The following PAIP2B variants were observed in gnomAD, a reference collection of about 807,000 sequenced individuals.
PAIP2B encodes the protein polyadenylate-binding protein-interacting protein 2B.
Under a neutral mutation model 17.0 loss-of-function variants are expected in PAIP2B, and 13 were observed. The ratio of observed to expected loss-of-function variants is 0.76; its 90% CI spans 0.50 to 1.22. The LOEUF (loss-of-function observed/expected upper bound fraction) is 1.22. Ranked by LOEUF, PAIP2B falls within the 50% of genes most tolerant of loss-of-function variation. PAIP2B has a pLI of 0.00. For missense variants in PAIP2B, 117 were observed against 144.5 expected (o/e 0.81, Z 0.98); for synonymous variants, 43 against 48.7 (o/e 0.88, Z 0.48).
rs949782392 is a variant in PAIP2B, at chr2:71,188,354, G to C, written c.*125C>G. The stretch of plus-strand genomic sequence containing the variant: ...GTTACTCAGAGTCACAGTATTGTGA[G>C]ACCACCACTCCCCTTCCCGCTGTGC... On this transcript the variant is annotated 3_prime_UTR_variant, in exon 4 of 4. Coordinates refer to ENST00000244221, the MANE Select transcript of PAIP2B (RefSeq NM_020459.1). The C allele has an allele frequency of 2.1e-5, 15 of 722,992 alleles. No individual in the cohort carries two copies. The highest frequency in any genetic ancestry group is 1.9e-4 in the African/African-American group (11 of 56,528). The allele number at this position is 722,992 out of a possible 1,614,324, so 44.8% of individuals were successfully genotyped here.
chr2:71,200,584 T>C (rs1458930652), intron 2 of PAIP2B, among the ~76,000 whole-genome samples: 1 of 152,116 alleles, frequency 6.6e-6, no homozygotes, highest in African/African-American at 2.4e-5. Flanking sequence ...AAACCCCATC[T>C]CTACTAAAAA....
rs1341928895 is a variant in PAIP2B, at chr2:71,185,196, T to C, written c.*3283A>G. The C allele has an allele frequency of 1.3e-5, 2 of 152,166 alleles. No individual in the cohort carries two copies. The highest frequency in any genetic ancestry group is 6.5e-5 in the Admixed American group (1 of 15,270). 9.4% of individuals were successfully genotyped at this position (152,166 alleles called of 1,614,324 possible). On this transcript the variant is annotated 3_prime_UTR_variant, in exon 4 of 4. Transcript: ENST00000244221. Reference sequence around the variant, plus strand: ...AGCTTCTCCAAAATCAAAGCAATAGTAATAAACAATTTGGAAAATGTTGCT... The same window carrying C: ...AGCTTCTCCAAAATCAAAGCAATAGCAATAAACAATTTGGAAAATGTTGCT...
At chr2:71,197,355 G>A (rs1344094423) in intron 2 of PAIP2B, among the ~76,000 whole-genome samples, 1 of 152,128 alleles carries the variant, frequency 6.6e-6, no homozygotes, top group Admixed American at 6.5e-5. Context: ...AGTCTCTTCT[G>A]GCTTATAGGG....
Position 71,186,925 on chromosome 2 carries a change from AAGG to A in PAIP2B, c.*1551_*1553del, listed in dbSNP as rs1674557307. The A allele has an allele frequency of 6.6e-6, 1 of 152,214 alleles. No homozygotes were observed. Among genetic ancestry groups the A allele is most frequent in the Admixed American group, 6.5e-5 (1 of 15,288 alleles). The allele number at this position is 152,214 out of a possible 1,614,324, so 9.4% of individuals were successfully genotyped here. On this transcript the variant is annotated 3_prime_UTR_variant, in exon 4 of 4. Transcript: ENST00000244221. ...GTTCAAAAAGTCAACGAGAGCTCATAAGGAGAATTTCTTCAGCTTTCCATACCC... is the reference window on the plus strand; with the variant it reads ...GTTCAAAAAGTCAACGAGAGCTCATAAGAATTTCTTCAGCTTTCCATACCC...
chr2:71,186,212 ACT>A lies in PAIP2B; in HGVS notation c.*2265_*2266del, dbSNP rs764224217. The A allele has an allele frequency of 6.6e-6, 1 of 152,188 alleles. No homozygotes were observed. The highest frequency in any genetic ancestry group is 2.4e-5 in the African/African-American group (1 of 41,446). The allele number at this position is 152,188 out of a possible 1,614,324, so 9.4% of individuals were successfully genotyped here. ...GCATTTTCTGCTAAGAAGGTAGCAA[ACT>A]CTAACTAGCCTGTGTTGTGAGTGAC... On this transcript the variant is annotated 3_prime_UTR_variant, in exon 4 of 4. Transcript: ENST00000244221.
At position 71,187,561 on chromosome 2, in the gene PAIP2B, A is replaced by C. The variant is rs1267429591; in HGVS notation, c.*918T>G. The C allele has an allele frequency of 2.0e-5, 3 of 152,252 alleles. No individual in the cohort carries two copies. Among genetic ancestry groups the C allele is most frequent in the Admixed American group, 6.5e-5 (1 of 15,286 alleles). 9.4% of individuals were successfully genotyped at this position (152,252 alleles called of 1,614,324 possible). ...AAGTGTTGATGAGGCTGGAAAAAAA[A>C]ACTGTCCAAATAAAATTAAGACACA... is the stretch of plus-strand genomic sequence containing the variant. On this transcript the variant is annotated 3_prime_UTR_variant, in exon 4 of 4. Coordinates refer to ENST00000244221, the MANE Select transcript of PAIP2B (RefSeq NM_020459.1).
intron 2 of PAIP2B, among the ~76,000 whole-genome samples, chr2:71,196,788 T>C (rs990802783): frequency 1.3e-5 from 2 of 152,146 alleles, no homozygotes; most frequent in Non-Finnish European, 1.5e-5. Context: ...TGTCTTTTTT[T>C]ATCTTTGTTG....
chr2:71,197,847 A>C (rs889709870), intron 2 of PAIP2B, among the ~76,000 whole-genome samples: 2 of 152,204 alleles, frequency 1.3e-5, no homozygotes, highest in Admixed American at 6.5e-5. Context: ...TATCATGAGA[A>C]CAGCAAGGAA....
chr2:71,210,151 T>C (rs1675259099), intron 1 of PAIP2B, among the ~76,000 whole-genome samples: 1 of 152,156 alleles, frequency 6.6e-6, no homozygotes, highest in Non-Finnish European at 1.5e-5. Context: ...TACCATGTCA[T>C]ACTTTGCACT....
intron 1 of PAIP2B, 51 bp from the exon 2 acceptor site, chr2:71,202,651 G>A (rs1675014852): frequency 1.4e-6 from 2 of 1,475,694 alleles, no homozygotes; most frequent in African/African-American, 1.4e-5. Context: ...TAAAGGAAAT[G>A]TAGAGACCTA....
rs532640836 is a variant in PAIP2B at position 71,186,478 on chromosome 2, C to G, written c.*2001G>C. ...GACTGACATCCAAAACAGACCAGCA[C>G]AGCAGAAGGAAAGACAAGCTCCTTT... On this transcript the variant is annotated 3_prime_UTR_variant, in exon 4 of 4. Coordinates refer to ENST00000244221, the MANE Select transcript of PAIP2B (RefSeq NM_020459.1). 1.4e-4 allele frequency: 21 copies of G among 152,354 alleles called. No homozygotes were observed. The South Asian group carries it at 4.3e-3, about 32-fold the overall frequency. 9.4% of individuals were successfully genotyped at this position (152,354 alleles called of 1,614,324 possible).
chr2:71,195,250 A>G (rs889027057), intron 2 of PAIP2B, among the ~76,000 whole-genome samples: 2 of 152,188 alleles, frequency 1.3e-5, no homozygotes, highest in Non-Finnish European at 2.9e-5. Context: ...TGAGTTGGGG[A>G]GAAATCCCTC....
chr2:71,188,379 C>A lies in PAIP2B; in HGVS notation c.*100G>T. On this transcript the variant is annotated 3_prime_UTR_variant, in exon 4 of 4. Transcript: ENST00000244221. ...GACCACCACTCCCCTTCCCGCTGTG[C>A]ACCCCTCGCCCGCCCCATCCCCCTC... The A allele has an allele frequency of 1.1e-6, 1 of 944,528 alleles. No individual in the cohort carries two copies. 58.5% of individuals were successfully genotyped at this position (944,528 alleles called of 1,614,324 possible). A position where few individuals can be genotyped will look rare whatever the true frequency, so the allele number is the denominator to read the frequency against.
At position 71,196,072 on chromosome 2, in the gene PAIP2B, GC is replaced by G. The variant is rs200103787; in HGVS notation, c.139-6052del. 6.6e-3 allele frequency among the ~76,000 whole-genome samples: 1,002 copies of G among 152,082 alleles called. 12 individuals carry two copies. The highest frequency in any genetic ancestry group is 0.022 in the African/African-American group (929 of 41,490). On this transcript the variant is annotated intron_variant, in intron 2 of 3. Coordinates refer to ENST00000244221, the MANE Select transcript of PAIP2B (RefSeq NM_020459.1). ...CTTCTGCTAGCTTTGGGGTTGATTT[GC>G]TCTTGCTTGTCTAATTCTTTCAGTT...
rs542351104 is a variant in PAIP2B, at chr2:71,188,433, T to C, written c.*46A>G. The C allele has an allele frequency of 4.2e-4, 603 of 1,449,746 alleles. 1 individual carries two copies. Among genetic ancestry groups the C allele is most frequent in the Admixed American group, 1.0e-3 (54 of 53,702 alleles). The allele number at this position is 1,449,746 out of a possible 1,614,324, so 89.8% of individuals were successfully genotyped here. A position where few individuals can be genotyped will look rare whatever the true frequency, so the allele number is the denominator to read the frequency against. On this transcript the variant is annotated 3_prime_UTR_variant, in exon 4 of 4. Coordinates refer to ENST00000244221, the MANE Select transcript of PAIP2B (RefSeq NM_020459.1). Reference sequence around the variant, plus strand: ...AGCTCCACCATTTTGTGCATTACTATCCCCAGATGTGGGGACAGACAAGTC... The same window carrying C: ...AGCTCCACCATTTTGTGCATTACTACCCCCAGATGTGGGGACAGACAAGTC...
At chr2:71,220,874 C>T (rs913750402) in intron 1 of PAIP2B, among the ~76,000 whole-genome samples, 1 of 152,150 alleles carries the variant, frequency 6.6e-6, no homozygotes, top group Admixed American at 6.5e-5. Flanking sequence ...TTTTGTTATA[C>T]CTCTATTACC....
intron 2 of PAIP2B, among the ~76,000 whole-genome samples, chr2:71,197,525 T>G (rs1039966840): frequency 7.9e-5 from 12 of 152,312 alleles, no homozygotes; most frequent in Middle Eastern, 6.8e-3. Context: ...TTGCAGGAGT[T>G]CTCTGTATTT....
chr2:71,200,832 G>A (rs7599685), intron 2 of PAIP2B, among the ~76,000 whole-genome samples: 10,144 of 152,214 alleles, frequency 0.067, 376 homozygotes, highest in African/African-American at 0.093. Flanking sequence ...CATTAGGGTT[G>A]GGGGAATTTG....
rs1203045559 is a variant in PAIP2B at position 71,189,827 on chromosome 2, A to G, written c.315+18T>C. ...TTCTTTTCACTACATAACCTGGGGA[A>G]CTACATATGGCTCTTACCAAAATAT... On this transcript the variant is annotated intron_variant, in intron 3 of 3. Coordinates refer to ENST00000244221, the MANE Select transcript of PAIP2B (RefSeq NM_020459.1). The G allele has an allele frequency of 6.5e-7, 1 of 1,537,464 alleles. No homozygotes were observed. Among genetic ancestry groups the G allele is most frequent in the Non-Finnish European group, 8.8e-7 (1 of 1,138,474 alleles).
Sources: allele counts gnomAD v4.1 joint callset (sites outside exome capture counted in the v4.1 genomes callset), GRCh38; gene constraint gnomAD v4.1.1; transcripts MANE v1.5; gene names NCBI Gene and HGNC (gene_info 2026-07-23, HGNC 2026-07-21).